LRRC14: variants seen among roughly 807,000 people sequenced by gnomAD.
LRRC14 encodes leucine-rich repeat-containing protein 14.
Under a neutral mutation model 25.3 loss-of-function variants are expected in LRRC14, and 16 were observed. The observed-to-expected ratio is 0.63, with a 90% CI of 0.43 to 0.96. LRRC14 has a LOEUF of 0.96. Ranked by LOEUF, LRRC14 falls within the 40% of genes least tolerant of loss-of-function variation. LRRC14 has a pLI of 0.00. For missense variants in LRRC14, 594 were observed against 660.5 expected (o/e 0.90, Z 1.10); for synonymous variants, 359 against 295.1 (o/e 1.22, Z -2.22).
chr8:144,522,187 T>C lies in LRRC14; in HGVS notation c.*709T>C, dbSNP rs886899216. ...CCGGCCAGTCCTTGCTCTTCCCACCTTTCGGAGGCCCAAGATCCTACTGTG... is the reference window on the plus strand; with the variant it reads ...CCGGCCAGTCCTTGCTCTTCCCACCCTTCGGAGGCCCAAGATCCTACTGTG... On this transcript the variant is annotated 3_prime_UTR_variant, in exon 4 of 4. Coordinates refer to ENST00000292524, the MANE Select transcript of LRRC14 (RefSeq NM_014665.4). 1 of 389,700 alleles carries C rather than the reference T, an allele frequency of 2.6e-6. No individual in the cohort carries two copies. The highest frequency in any genetic ancestry group is 4.5e-6 in the Non-Finnish European group (1 of 221,530). 24.1% of individuals were successfully genotyped at this position (389,700 alleles called of 1,614,324 possible). A position where few individuals can be genotyped will look rare whatever the true frequency, so the allele number is the denominator to read the frequency against.
Position 144,522,451 on chromosome 8 carries a change from C to G in LRRC14, c.*973C>G, listed in dbSNP as rs745415569. ...GCCGCACCGGCCAATCTCCGGCGCC[C>G]ACGTCATCCGCGCGCCCGCGGCCCT... On this transcript the variant is annotated 3_prime_UTR_variant, in exon 4 of 4. Coordinates refer to ENST00000292524, the MANE Select transcript of LRRC14 (RefSeq NM_014665.4). 1.1e-5 allele frequency: 15 copies of G among 1,397,012 alleles called. No individual in the cohort carries two copies. The highest frequency in any genetic ancestry group is 3.5e-5 in the Admixed American group (1 of 28,278). The allele number at this position is 1,397,012 out of a possible 1,614,324, so 86.5% of individuals were successfully genotyped here.
At position 144,522,748 on chromosome 8, in the gene LRRC14, G is replaced by T. The variant is rs1489614795; in HGVS notation, c.*1270G>T. 4 of 1,587,116 alleles carry T rather than the reference G, an allele frequency of 2.5e-6. No homozygotes were observed. Among genetic ancestry groups the T allele is most frequent in the Admixed American group, 1.8e-5 (1 of 57,134 alleles). ...GCCTGCGGCGCCGGCGACAGATCAT[G>T]GCGACCAGGAGCAGCGCCGTGAGCG... On this transcript the variant is annotated 3_prime_UTR_variant, in exon 4 of 4. Transcript: ENST00000292524.
intron 1 of LRRC14, 126 bp downstream of exon 1, chr8:144,518,167 G>C (rs1313332530): frequency 6.4e-6 from 1 of 156,772 alleles, no homozygotes; most frequent in East Asian, 1.9e-4. Flanking sequence ...GGCTGCATTT[G>C]GGAGCCCGGG....
At position 144,522,297 on chromosome 8, in the gene LRRC14, T is replaced by C. The variant is rs759615345; in HGVS notation, c.*819T>C. On this transcript the variant is annotated 3_prime_UTR_variant, in exon 4 of 4. Coordinates refer to ENST00000292524, the MANE Select transcript of LRRC14 (RefSeq NM_014665.4). ...TTTCGGAAGAGCTTCAAGGGAGGTG[T>C]TGGGGCCTCCCCGGCCACCTTCCAT... 1.9e-4 allele frequency: 170 copies of C among 915,588 alleles called. 1 individual carries two copies. Among genetic ancestry groups the C allele is most frequent in the South Asian group, 5.3e-4 (22 of 41,276 alleles). 56.7% of individuals were successfully genotyped at this position (915,588 alleles called of 1,614,324 possible). A position where few individuals can be genotyped will look rare whatever the true frequency, so the allele number is the denominator to read the frequency against.
Position 144,522,707 on chromosome 8 carries a change from C to G in LRRC14, c.*1229C>G, listed in dbSNP as rs746317101. The G allele has an allele frequency of 8.1e-6, 13 of 1,596,662 alleles. No homozygotes were observed. The highest frequency in any genetic ancestry group is 1.0e-5 in the Non-Finnish European group (12 of 1,172,858). Reference sequence around the variant, plus strand: ...GAACAGCGCTCCCTCCCCCGGAGGCCCCCGCGCCTTTTTTCGCCTGCGGCG... The same window carrying G: ...GAACAGCGCTCCCTCCCCCGGAGGCGCCCGCGCCTTTTTTCGCCTGCGGCG... On this transcript the variant is annotated 3_prime_UTR_variant, in exon 4 of 4. Transcript: ENST00000292524.
chr8:144,523,909 TTC>T lies in LRRC14; in HGVS notation c.*2433_*2434del. 3.1e-6 allele frequency: 2 copies of T among 641,586 alleles called. No homozygotes were observed. Among genetic ancestry groups the T allele is most frequent in the Non-Finnish European group, 2.7e-6 (1 of 371,048 alleles). The allele number at this position is 641,586 out of a possible 1,614,324, so 39.7% of individuals were successfully genotyped here. A position where few individuals can be genotyped will look rare whatever the true frequency, so the allele number is the denominator to read the frequency against. On this transcript the variant is annotated 3_prime_UTR_variant, in exon 4 of 4. Transcript: ENST00000292524. ...TAAGTCACCCTGTGGAGTTCCTGTC[TTC>T]TGTTTTCCCCAGGCAGGGTGCCTGA...
In LRRC14 at chr8:144,521,438, A is replaced by G. The variant is rs779200843; in HGVS notation, c.1442A>G (p.Asp481Gly). Residue 481 changes from aspartate (D) to glycine (G), a missense_variant, in exon 4 of 4, where the codon GAC becomes GGC. Asp to Gly is a moderately conservative substitution (Grantham distance 94, BLOSUM62 -1). Transcript: ENST00000292524. Reference protein sequence around the residue: ...SGRAHVLWTTDIYGRLAADYF... With the variant: ...SGRAHVLWTTGIYGRLAADYF... ...CGTGCCCATGTGCTCTGGACCACGGACATCTACGGGCGACTGGCTGCGGAC... is the reference window on the plus strand; with the variant it reads ...CGTGCCCATGTGCTCTGGACCACGGGCATCTACGGGCGACTGGCTGCGGAC... 1 of 1,607,928 alleles carries G rather than the reference A, an allele frequency of 6.2e-7. No individual in the cohort carries two copies. The highest frequency in any genetic ancestry group is 8.5e-7 in the Non-Finnish European group (1 of 1,179,766).
rs1224325619 is a variant in LRRC14 at position 144,522,308 on chromosome 8, C to T, written c.*830C>T. 1.2e-5 allele frequency: 13 copies of T among 1,080,856 alleles called. No homozygotes were observed. Among genetic ancestry groups the T allele is most frequent in the East Asian group, 6.5e-5 (2 of 30,834 alleles). 67.0% of individuals were successfully genotyped at this position (1,080,856 alleles called of 1,614,324 possible). ...CTTCAAGGGAGGTGTTGGGGCCTCC[C>T]CGGCCACCTTCCATTGCTACCCCAG... is the stretch of plus-strand genomic sequence containing the variant. On this transcript the variant is annotated 3_prime_UTR_variant, in exon 4 of 4. Coordinates refer to ENST00000292524, the MANE Select transcript of LRRC14 (RefSeq NM_014665.4).
rs541016071 is a variant in LRRC14 at position 144,523,019 on chromosome 8, C to T, written c.*1541C>T. 74 of 1,598,442 alleles carry T rather than the reference C, an allele frequency of 4.6e-5. No individual in the cohort carries two copies. The highest frequency in any genetic ancestry group is 1.9e-4 in the Admixed American group (11 of 58,814). On this transcript the variant is annotated 3_prime_UTR_variant, in exon 4 of 4. Coordinates refer to ENST00000292524, the MANE Select transcript of LRRC14 (RefSeq NM_014665.4). The stretch of plus-strand genomic sequence containing the variant: ...ACCGGCGTGCGCCAGCGTGATGTTG[C>T]TGAGGAAGAGCATGCCGCTGCCCGT...
intron 2 of LRRC14, 52 bp from the exon 3 acceptor site, chr8:144,520,186 G>A (rs1017294161): frequency 1.9e-6 from 3 of 1,582,516 alleles, no homozygotes; most frequent in Non-Finnish European, 2.6e-6. Context: ...TGGCTGGGAG[G>A]GGGTATGGGC....
rs1816157423 is a variant in LRRC14 at position 144,522,639 on chromosome 8, C to CT, written c.*1162dup. ...TGGCCGCGCTCGTCGCGGAGCTCCT[C>CT]TAGCTGTGCGAACGTACAGGGGCCG... On this transcript the variant is annotated 3_prime_UTR_variant, in exon 4 of 4. Transcript: ENST00000292524. The CT allele has an allele frequency of 2.5e-6, 4 of 1,584,692 alleles. No individual in the cohort carries two copies. The highest frequency in any genetic ancestry group is 3.4e-6 in the Non-Finnish European group (4 of 1,167,594).
rs1815978831 is a variant in LRRC14, at chr8:144,520,834, C to G, written c.914+12C>G. ...GACCAGCTGCTCAGGTGAGCGGGCC[C>G]CACCACTGCCCTGCCCCTCCCTTCT... On this transcript the variant is annotated intron_variant, in intron 3 of 3. Transcript: ENST00000292524. The G allele has an allele frequency of 6.3e-7, 1 of 1,594,006 alleles. No homozygotes were observed. The highest frequency in any genetic ancestry group is 8.5e-7 in the Non-Finnish European group (1 of 1,176,548).
intron 2 of LRRC14, 74 bp downstream of exon 2, chr8:144,520,128 G>A: frequency 7.0e-6 from 11 of 1,570,646 alleles, no homozygotes; most frequent in Non-Finnish European, 8.6e-6. Context: ...GGGTCATAAA[G>A]TTAGCAAGAG....
In LRRC14 at chr8:144,524,354, A is replaced by T; in HGVS notation, c.*2876A>T. On this transcript the variant is annotated 3_prime_UTR_variant, in exon 4 of 4. Coordinates refer to ENST00000292524, the MANE Select transcript of LRRC14 (RefSeq NM_014665.4). ...CATGTCTCTCTTCTTACCAAGCTAG[A>T]CTGGGTTGCCTTTTCTAACTATTCC... The T allele has an allele frequency of 6.3e-7, 1 of 1,595,818 alleles. No individual in the cohort carries two copies. The highest frequency in any genetic ancestry group is 1.1e-5 in the South Asian group (1 of 90,962).
At position 144,522,239 on chromosome 8, in the gene LRRC14, C is replaced by A. The variant is rs920300408; in HGVS notation, c.*761C>A. On this transcript the variant is annotated 3_prime_UTR_variant, in exon 4 of 4. Transcript: ENST00000292524. ...CCGGCCAGGGCCAGCGAGGGACCCC[C>A]CCCATGCAGAGCTGGAGGTTGGGGT... 9 of 515,004 alleles carry A rather than the reference C, an allele frequency of 1.7e-5. No homozygotes were observed. The highest frequency in any genetic ancestry group is 1.6e-4 in the African/African-American group (8 of 50,252). The allele number at this position is 515,004 out of a possible 1,614,324, so 31.9% of individuals were successfully genotyped here.
rs749705469 is a variant in LRRC14 at position 144,521,293 on chromosome 8, G to A, written c.1297G>A (p.Asp433Asn). 12 of 1,612,948 alleles carry A rather than the reference G, an allele frequency of 7.4e-6. No homozygotes were observed. The South Asian group carries it at 1.1e-4, about 15-fold the overall frequency. Reference sequence around the variant, plus strand: ...TACTGTGGTGCACCCCTTCCCTGTGGACTGCTATGAGGGCTTGCCCTGGCC... The same window carrying A: ...TACTGTGGTGCACCCCTTCCCTGTGAACTGCTATGAGGGCTTGCCCTGGCC... ...LRTVVHPFPVDCYEGLPWPPP... is the reference protein window; with the variant it reads ...LRTVVHPFPVNCYEGLPWPPP... Residue 433 changes from aspartate (D) to asparagine (N), a missense_variant, in exon 4 of 4, where the codon GAC becomes AAC. Coordinates refer to ENST00000292524, the MANE Select transcript of LRRC14 (RefSeq NM_014665.4).
Position 144,525,061 on chromosome 8 carries a change from C to T in LRRC14, c.*3583C>T. 1 of 1,346,232 alleles carries T rather than the reference C, an allele frequency of 7.4e-7. No homozygotes were observed. The highest frequency in any genetic ancestry group is 1.9e-5 in the South Asian group (1 of 52,334). 83.4% of individuals were successfully genotyped at this position (1,346,232 alleles called of 1,614,324 possible). ...GAAACACAGGTTGGCAGGCCAGTCT[C>T]GGCAGTCGAGAGCCAGCCAATAGAT... On this transcript the variant is annotated 3_prime_UTR_variant, in exon 4 of 4. Transcript: ENST00000292524.
In LRRC14 at chr8:144,524,410, T is replaced by G. The variant is rs747799641; in HGVS notation, c.*2932T>G. The G allele has an allele frequency of 2.9e-5, 47 of 1,595,382 alleles. No individual in the cohort carries two copies. In the Admixed American group the frequency reaches 7.7e-4, roughly 26 times the overall value. On this transcript the variant is annotated 3_prime_UTR_variant, in exon 4 of 4. Coordinates refer to ENST00000292524, the MANE Select transcript of LRRC14 (RefSeq NM_014665.4). ...TACAGGGCGAGGGGCCATAATGGAG[T>G]ATCCCGCCCCTTTAGACCCCAGGCG...
In LRRC14 at chr8:144,522,364, C is replaced by T. The variant is rs767543720; in HGVS notation, c.*886C>T. 2.3e-5 allele frequency: 30 copies of T among 1,325,758 alleles called. No homozygotes were observed. Among genetic ancestry groups the T allele is most frequent in the Admixed American group, 8.2e-5 (2 of 24,414 alleles). The allele number at this position is 1,325,758 out of a possible 1,614,324, so 82.1% of individuals were successfully genotyped here. On this transcript the variant is annotated 3_prime_UTR_variant, in exon 4 of 4. Transcript: ENST00000292524. ...CCGAGTGCAACGTTCCCGGCTCGCG[C>T]CCCACACACGGCTCAGCGCACACTG...
Sources: allele counts gnomAD v4.1 joint callset, GRCh38; gene constraint gnomAD v4.1.1; transcripts MANE v1.5; gene names NCBI Gene and HGNC (gene_info 2026-07-23, HGNC 2026-07-21).